The following LILRA4 variants were observed in gnomAD, a reference collection of about 807,000 sequenced individuals.
LILRA4 encodes the protein leukocyte immunoglobulin-like receptor subfamily A member 4.
Under a neutral mutation model 49.5 loss-of-function variants are expected in LILRA4, and 51 were observed. The observed-to-expected ratio is 1.03, with a 90% confidence interval of 0.82 to 1.30. The LOEUF is 1.30. LILRA4 is among the 50% of genes most tolerant of loss of function. LILRA4 has a pLI of 0.00. For synonymous variants in LILRA4, 272 were observed against 265.6 expected, an observed-to-expected ratio of 1.02 and a Z score of -0.23; for missense variants, 624 against 625.6, an observed-to-expected ratio of 1.00 and a Z score of 0.03.
chr19:54,338,836 G>A (rs2081360913), intron 2 of LILRA4, 30 bp downstream of exon 2: 1 of 1,613,864 alleles, frequency 6.2e-7, no homozygotes, highest in Middle Eastern at 1.7e-4. Flanking sequence ...GAGAGGAGGA[G>A]GGACCTAGGA....
chr19:54,338,932 C>T, intron 1 of LILRA4, 31 bp from the exon 2 acceptor site: 1 of 1,613,650 alleles, frequency 6.2e-7, no homozygotes, highest in East Asian at 2.2e-5. Flanking sequence ...AGAGATTTGC[C>T]TCCGAAGCCT....
rs759751078 is a variant in LILRA4, at chr19:54,338,019, C to A, written c.572G>T (p.Gly191Val). ...PMGPLTFSNR[G>V]TFRCYGYENN... ...TTCATAGCCGTAGCATCTGAATGTA[C>A]CCCTGTTGCTGAAGGTCAGGGGGCC... is the stretch of plus-strand genomic sequence containing the variant. Residue 191 changes from glycine (G) to valine (V), a missense_variant, in exon 4 of 8, where the codon GGT (glycine) becomes GTT (valine). Transcript: ENST00000291759. 6.2e-6 allele frequency: 10 copies of A among 1,613,990 alleles called. No individual in the cohort carries two copies. In the South Asian group the frequency reaches 1.1e-4, roughly 18 times the overall value.
intron 6 of LILRA4, chr19:54,336,632 C>G (rs985997667): frequency 7.5e-6 from 6 of 796,592 alleles, no homozygotes; most frequent in Non-Finnish European, 1.2e-5. Flanking sequence ...GGACCCTCCC[C>G]CTTCACTGTC....
chr19:54,338,218 G>A lies in LILRA4; in HGVS notation c.373C>T (p.Leu125=). Residue 125 remains leucine (L), a synonymous_variant, in exon 4 of 8, where the codon CTG becomes TTG. Coordinates refer to ENST00000291759, the MANE Select transcript of LILRA4 (RefSeq NM_012276.5). Reference sequence around the variant, plus strand: ...ACCACAGGGCTTGGCAGTGCGGACAGGGTGGGTCTGCTGTAGGCTTTCAAG... The same window carrying A: ...ACCACAGGGCTTGGCAGTGCGGACAAGGTGGGTCTGCTGTAGGCTTTCAAG... ...LVVTAYSRPT[L]SALPSPVVTS... 1 of 1,611,894 alleles carries A rather than the reference G, an allele frequency of 6.2e-7. No individual in the cohort carries two copies. Among genetic ancestry groups the A allele is most frequent in the Non-Finnish European group, 8.5e-7 (1 of 1,178,400 alleles).
In LILRA4 at chr19:54,339,135, G is replaced by A; in HGVS notation, c.-42C>T. 1 of 1,612,140 alleles carries A rather than the reference G, an allele frequency of 6.2e-7. No homozygotes were observed. The highest frequency in any genetic ancestry group is 8.5e-7 in the Non-Finnish European group (1 of 1,178,214). ...GGCCCTGGCTGTGCAGGCAGGTGTG[G>A]CCACGGTGCCCGTAGACACAGACAG... On this transcript the variant is annotated 5_prime_UTR_variant, in exon 1 of 8. Coordinates refer to ENST00000291759, the MANE Select transcript of LILRA4 (RefSeq NM_012276.5).
At chr19:54,336,467 C>T in intron 6 of LILRA4, 1 of 317,590 alleles carries the variant, frequency 3.1e-6, no homozygotes, top group Non-Finnish European at 5.8e-6. Flanking sequence ...CACCTGCTTG[C>T]AGCCCTCTCC....
In LILRA4 at chr19:54,337,115, T is replaced by C. The variant is rs973872272; in HGVS notation, c.981A>G (p.Ser327=). The part of the protein sequence containing the change: ...AGQISDRPSL[S]VQPGPTVTSG... ...AGGTCACCGTGGGGCCCGGCTGCACTGAGAGGGAGGGTCTGTCAGAGATCT... is the reference window on the plus strand; with the variant it reads ...AGGTCACCGTGGGGCCCGGCTGCACCGAGAGGGAGGGTCTGTCAGAGATCT... The change falls in exon 6 of 8, where the codon TCA becomes TCG. Residue 327 remains serine, a synonymous_variant. Coordinates refer to ENST00000291759, the MANE Select transcript of LILRA4 (RefSeq NM_012276.5). The C allele has an allele frequency of 1.6e-5, 26 of 1,612,202 alleles. No individual in the cohort carries two copies. Among genetic ancestry groups the C allele is most frequent in the African/African-American group, 5.3e-5 (4 of 74,844 alleles).
intron 1 of LILRA4, 28 bp downstream of exon 1, chr19:54,339,032 G>A (rs779732030): frequency 1.7e-5 from 28 of 1,613,920 alleles, no homozygotes; most frequent in Non-Finnish European, 2.4e-5. Context: ...CTAGACTAGG[G>A]TCTCTCCTCC....
At chr19:54,338,804 C>A in intron 2 of LILRA4, 62 bp downstream of exon 2, 1 of 1,608,124 alleles carries the variant, frequency 6.2e-7, no homozygotes, top group Non-Finnish European at 8.5e-7. Flanking sequence ...CCCAGCTGCC[C>A]AGGGGTGGTC....
rs773222099 is a variant in LILRA4 at position 54,337,953 on chromosome 19, AG to A, written c.637del (p.Leu213CysfsTer15). 1.9e-6 allele frequency: 3 copies of A among 1,611,184 alleles called. No homozygotes were observed. The highest frequency in any genetic ancestry group is 1.1e-5 in the South Asian group (1 of 90,980). ...TTCCTCACCTGACACCAGTAGCTGC[AG>A]GGGGTCACTGGGTTCCGACCACACG... ...PYVWSEPSDP[L>X]QLLVSGVSRK... On this transcript the variant is annotated frameshift_variant, in exon 4 of 8. Coordinates refer to ENST00000291759, the MANE Select transcript of LILRA4 (RefSeq NM_012276.5). LOFTEE classifies it high-confidence loss of function.
chr19:54,336,511 GC>G (rs2081324928), intron 6 of LILRA4: 4 of 447,394 alleles, frequency 8.9e-6, no homozygotes, highest in Non-Finnish European at 1.6e-5. Flanking sequence ...AGGGGTGGGA[GC>G]CCAGGGTGGG....
rs149559138 is a variant in LILRA4 at position 54,333,508 on chromosome 19, C to T, written c.*64G>A. On this transcript the variant is annotated 3_prime_UTR_variant, in exon 8 of 8. Coordinates refer to ENST00000291759, the MANE Select transcript of LILRA4 (RefSeq NM_012276.5). ...CTGCACCTGACCCATGCTTCTTCCC[C>T]TTGATATTCTCAGCAGACACTTCCC... 276 of 1,519,868 alleles carry T rather than the reference C, an allele frequency of 1.8e-4. 1 individual carries two copies. The African/African-American group carries it at 3.5e-3, about 19-fold the overall frequency. The allele number at this position is 1,519,868 out of a possible 1,614,324, so 94.1% of individuals were successfully genotyped here. A position where few individuals can be genotyped will look rare whatever the true frequency, so the allele number is the denominator to read the frequency against.
Position 54,333,934 on chromosome 19 carries a change from C to A in LILRA4, c.1287G>T (p.Lys429Asn). ...GATETLNPAQ[K>N]KSDSKTAPHL... The stretch of plus-strand genomic sequence containing the variant: ...ACTCACCAGTCTTGGAATCTGACTT[C>A]TTTTGTGCTGGATTGAGGGTCTCAG... Residue 429 changes from lysine to asparagine, a missense_variant, in exon 7 of 8, where the codon AAG becomes AAT. Transcript: ENST00000291759. The A allele has an allele frequency of 6.2e-7, 1 of 1,614,098 alleles. No homozygotes were observed. The highest frequency in any genetic ancestry group is 1.1e-5 in the South Asian group (1 of 91,076).
chr19:54,337,388 T>A lies in LILRA4; in HGVS notation c.952+12A>T. 1 of 1,610,626 alleles carries A rather than the reference T, an allele frequency of 6.2e-7. No individual in the cohort carries two copies. The highest frequency in any genetic ancestry group is 8.5e-7 in the Non-Finnish European group (1 of 1,179,466). The stretch of plus-strand genomic sequence containing the variant: ...CCTGGGTCCCCCTGACTGAACCCGC[T>A]GGGCTCCTCACCTGCGATCAGGATA... On this transcript the variant is annotated intron_variant, in intron 5 of 7. Transcript: ENST00000291759.
chr19:54,336,744 CAAGTG>C, intron 6 of LILRA4, 92 bp downstream of exon 6: 1 of 1,505,718 alleles, frequency 6.6e-7, no homozygotes, highest in African/African-American at 1.4e-5. Context: ...AGTGGGGCAG[CAAGTG>C]AGACAGACAG....
rs748110838 is a variant in LILRA4 at position 54,333,632 on chromosome 19, C to CT, written c.1439dup (p.Ala481GlyfsTer23). On this transcript the variant is annotated frameshift_variant, in exon 8 of 8. Transcript: ENST00000291759. LOFTEE classifies it low-confidence loss of function (END_TRUNC). ...GTGCATTGTCCTTTCTGCTGTTTGC[C>CT]TCCTGGCTGCACCTTGGGGGGCTTC... 1 of 1,614,172 alleles carries CT rather than the reference C, an allele frequency of 6.2e-7. No homozygotes were observed. The highest frequency in any genetic ancestry group is 1.1e-5 in the South Asian group (1 of 91,088).
chr19:54,339,007 A>G, intron 1 of LILRA4, 53 bp downstream of exon 1: 1 of 1,612,628 alleles, frequency 6.2e-7, no homozygotes. Flanking sequence ...ATGGCTATGG[A>G]TTGGGGTCTC....
Position 54,336,932 on chromosome 19 carries a change from G to C in LILRA4, c.1164C>G (p.Ala388=), listed in dbSNP as rs769404449. 1 of 1,614,216 alleles carries C rather than the reference G, an allele frequency of 6.2e-7. No individual in the cohort carries two copies. Among genetic ancestry groups the C allele is most frequent in the Non-Finnish European group, 8.5e-7 (1 of 1,180,034 alleles). ...CGTAGCACCTGTAGGTCCCCGCGTG[G>C]GCTGAGGTCACAGGACTCATGGGGA... ...AEFPMSPVTS[A]HAGTYRCYGS... is the part of the protein sequence containing the mutation. Residue 388 remains alanine (A), a synonymous_variant, in exon 6 of 8, where the codon GCC becomes GCG. Transcript: ENST00000291759.
Position 54,337,656 on chromosome 19 carries a change from A to T in LILRA4, c.696T>A (p.Pro232=). 1 of 1,613,268 alleles carries T rather than the reference A, an allele frequency of 6.2e-7. No homozygotes were observed. Among genetic ancestry groups the T allele is most frequent in the African/African-American group, 1.3e-5 (1 of 75,006 alleles). Reference sequence around the variant, plus strand: ...TCAGATTCTCTCCGGGGGTCACGACAGGGCCCTGCAGGGTCAGGAGGGAGG... The same window carrying T: ...TCAGATTCTCTCCGGGGGTCACGACTGGGCCCTGCAGGGTCAGGAGGGAGG... The part of the protein sequence containing the change: ...RKPSLLTLQG[P]VVTPGENLTL... Residue 232 remains proline, a synonymous_variant, in exon 5 of 8, where the codon CCT becomes CCA. Coordinates refer to ENST00000291759, the MANE Select transcript of LILRA4 (RefSeq NM_012276.5).
Sources: gnomAD v4.1 joint callset for allele counts on GRCh38, gnomAD v4.1.1 for gene constraint, MANE v1.5 for transcripts, NCBI Gene and HGNC (gene_info 2026-07-23, HGNC 2026-07-21) for gene names.